The following FAM9B variants were observed in gnomAD, a reference collection of about 807,000 sequenced individuals.
The protein encoded by FAM9B is family with sequence similarity 9 member B.
A neutral mutation model predicts 16.6 loss-of-function variants in FAM9B; 18 were observed. That is an observed-to-expected ratio of 1.09 (90% CI 0.75 to 1.61). The LOEUF (loss-of-function observed/expected upper bound fraction) is 1.61. Ranked by LOEUF, FAM9B falls within the 40% of genes most tolerant of loss-of-function variation. The pLI, the probability that FAM9B is intolerant of heterozygous loss-of-function variation, is 0.00. For missense variants in FAM9B, 155 were observed against 136.0 expected (o/e 1.14, Z -0.70); for synonymous variants, 43 against 42.6 (o/e 1.01, Z -0.03).
chrX:9,029,295 C>T lies in FAM9B; in HGVS notation c.393+12G>A. The T allele has an allele frequency of 8.7e-7, 1 of 1,144,075 alleles. No individual in the cohort carries two copies. The highest frequency in any genetic ancestry group is 1.2e-6 in the Non-Finnish European group (1 of 836,157). 94.3% of individuals were successfully genotyped at this position (1,144,075 alleles called of 1,213,427 possible). ...ATAACAGGTTATACATAAAGCTAAG[C>T]ATGATACCAACAATTAGTTCTTCCT... On this transcript the variant is annotated intron_variant, in intron 6 of 8. Coordinates refer to ENST00000327220, the MANE Select transcript of FAM9B (RefSeq NM_205849.3).
At chrX:9,032,677 G>A (rs1164581252) in intron 2 of FAM9B, 2 of 573,733 alleles carry the variant, frequency 3.5e-6, no homozygotes, top group Admixed American at 4.0e-5. Context: ...AGTAAACAAC[G>A]TACTACAGTT....
chrX:9,030,954 C>A (rs1921056402), intron 4 of FAM9B: 1 of 111,755 alleles, frequency 8.9e-6, no homozygotes, highest in South Asian at 3.7e-4. Flanking sequence ...GAAATGTTTT[C>A]TTGGAGCTTT....
At chrX:9,030,546 T>G in intron 4 of FAM9B, 186 bp from the exon 5 acceptor site, 1 of 334,745 alleles carries the variant, frequency 3.0e-6, no homozygotes, top group South Asian at 9.7e-5. Flanking sequence ...TGTAAAACCT[T>G]TCAGGTATTA....
At position 9,029,410 on chromosome X, in the gene FAM9B, C is replaced by T. The variant is rs773919417; in HGVS notation, c.290G>A (p.Arg97His). ...CAACTTCAGAGAATGTATATAATCA[C>T]GTTTCTGCCTGTAACACATAATAAG... ...LRKKQLKRQK[R>H]DYIHSLKLLN... is the part of the protein sequence containing the mutation. The change falls in exon 6 of 9, where the codon CGT becomes CAT. Residue 97 changes from arginine (R) to histidine (H), a missense_variant. Coordinates refer to ENST00000327220, the MANE Select transcript of FAM9B (RefSeq NM_205849.3). The T allele has an allele frequency of 1.6e-5, 19 of 1,185,032 alleles. No homozygotes were observed. Among genetic ancestry groups the T allele is most frequent in the Middle Eastern group, 2.4e-4 (1 of 4,234 alleles).
In FAM9B at chrX:9,027,868, C is replaced by G. The variant is rs1286203355; in HGVS notation, c.492G>C (p.Lys164Asn). 5.0e-6 allele frequency: 6 copies of G among 1,203,260 alleles called. No homozygotes were observed. The highest frequency in any genetic ancestry group is 5.6e-6 in the Non-Finnish European group (5 of 888,027). The change falls in exon 7 of 9, where the codon AAG (lysine) becomes AAC (asparagine). Residue 164 changes from lysine to asparagine, a missense_variant and splice_region_variant. By Grantham distance (94) the Lys-to-Asn change is moderately conservative. Coordinates refer to ENST00000327220, the MANE Select transcript of FAM9B (RefSeq NM_205849.3). ...EMKLLRDQFV[K>N]ALEDFEDLCD... is the part of the protein sequence containing the mutation. ...TATTATGTTACCAAATAGAACAGAC[C>G]TTTACGAATTGGTCACGTAGCAGCT...
Position 9,032,976 on chromosome X carries a change from C to T in FAM9B, c.11G>A (p.Trp4Ter). MAA[W>*]GKKHAGKDPV... ...GTATTTACCTGCATGCTTCTTCCCC[C>T]AGGCCGCCATAAATTGAGCCTCCAA... Residue 4 changes from tryptophan (W) to a stop codon, truncating the protein, a stop_gained, in exon 2 of 9, where the codon TGG (tryptophan) becomes TAG (stop). Transcript: ENST00000327220. LOFTEE classifies it low-confidence loss of function (ANC_ALLELE). The T allele has an allele frequency of 2.5e-6, 3 of 1,211,926 alleles. No homozygotes were observed. Among genetic ancestry groups the T allele is most frequent in the African/African-American group, 3.5e-5 (2 of 57,857 alleles).
intron 2 of FAM9B, 74 bp from the exon 3 acceptor site, chrX:9,032,535 A>G: frequency 1.8e-6 from 1 of 566,045 alleles, no homozygotes; most frequent in East Asian, 7.6e-5. Flanking sequence ...GGAGAAATGT[A>G]CTAGTTGTAG....
intron 7 of FAM9B, among the ~76,000 whole-genome samples, chrX:9,025,998 C>G (rs1357082507): frequency 9.0e-6 from 1 of 111,258 alleles, no homozygotes; most frequent in African/African-American, 3.3e-5. Context: ...GTGATATGAC[C>G]TCATCAAGTT....
chrX:9,033,344 G>A, intron 1 of FAM9B: 32 of 1,029,131 alleles, frequency 3.1e-5, no homozygotes, highest in Non-Finnish European at 3.7e-5. Flanking sequence ...ACAGAACTCA[G>A]CCCTACCTCT....
rs1353925405 is a variant in FAM9B at position 9,024,818 on chromosome X, A to G, written c.*591T>C. 1 of 111,771 alleles carries G rather than the reference A, an allele frequency of 8.9e-6. No homozygotes were observed. The highest frequency in any genetic ancestry group is 1.9e-5 in the Non-Finnish European group (1 of 53,193). 9.2% of individuals were successfully genotyped at this position (111,771 alleles called of 1,213,427 possible). A position where few individuals can be genotyped will look rare whatever the true frequency, so the allele number is the denominator to read the frequency against. On this transcript the variant is annotated 3_prime_UTR_variant, in exon 9 of 9. Transcript: ENST00000327220. ...TGCCTCAGCTTCCTGAGTAGCTGGAACTACACGTGCGTGCCACCACGCCCG... is the reference window on the plus strand; with the variant it reads ...TGCCTCAGCTTCCTGAGTAGCTGGAGCTACACGTGCGTGCCACCACGCCCG...
intron 1 of FAM9B, chrX:9,033,646 A>C: frequency 8.3e-6 from 5 of 604,096 alleles, no homozygotes; most frequent in Non-Finnish European, 9.8e-6. Flanking sequence ...GGCCCTAGGG[A>C]TCACCCAGGC....
In FAM9B at chrX:9,033,290, C is replaced by G. The variant is rs180695457; in HGVS notation, c.-89-215G>C. 2.1e-4 allele frequency: 226 copies of G among 1,073,989 alleles called. No individual in the cohort carries two copies. In the African/African-American group the frequency reaches 3.9e-3, roughly 19 times the overall value. The allele number at this position is 1,073,989 out of a possible 1,213,427, so 88.5% of individuals were successfully genotyped here. A position where few individuals can be genotyped will look rare whatever the true frequency, so the allele number is the denominator to read the frequency against. The stretch of plus-strand genomic sequence containing the variant: ...GCAAAGCTCACAGCTGCCCCTCACA[C>G]CTGAACTCCACGGCCTCTGCGGGAT... On this transcript the variant is annotated intron_variant, in intron 1 of 8. Coordinates refer to ENST00000327220, the MANE Select transcript of FAM9B (RefSeq NM_205849.3).
chrX:9,028,024 C>T (rs1296591313), intron 6 of FAM9B, 58 bp from the exon 7 acceptor site: 6 of 800,623 alleles, frequency 7.5e-6, no homozygotes, highest in South Asian at 6.5e-5. Flanking sequence ...ACTTACAAAA[C>T]ATAATTCTGC....
intron 6 of FAM9B, 144 bp from the exon 7 acceptor site, chrX:9,028,110 A>C: frequency 2.3e-6 from 1 of 440,753 alleles, no homozygotes; most frequent in Non-Finnish European, 3.9e-6. Flanking sequence ...GACCAATTTT[A>C]AACAATTGTG....
Position 9,025,492 on chromosome X carries a change from C to T in FAM9B, c.*23G>A, listed in dbSNP as rs1602135110. The T allele has an allele frequency of 8.6e-7, 1 of 1,157,860 alleles. No homozygotes were observed. Among genetic ancestry groups the T allele is most frequent in the Admixed American group, 2.3e-5 (1 of 44,130 alleles). On this transcript the variant is annotated 3_prime_UTR_variant, in exon 8 of 9. Transcript: ENST00000327220. ...AAATATGCACTACTTACAGTTCTGA[C>T]ATGATTTTATTTAAAAACATGTCTA... is the stretch of plus-strand genomic sequence containing the variant.
chrX:9,032,487 C>G (rs1401469359), intron 2 of FAM9B, 26 bp from the exon 3 acceptor site: 18 of 1,188,659 alleles, frequency 1.5e-5, no homozygotes, highest in Non-Finnish European at 1.8e-5. Flanking sequence ...AAAGACAAAC[C>G]TTTTTTAGAG....
intron 6 of FAM9B, 72 bp downstream of exon 6, chrX:9,029,235 T>G: frequency 1.1e-6 from 1 of 887,445 alleles, no homozygotes; most frequent in Non-Finnish European, 1.6e-6. Context: ...CTTTGCTGGA[T>G]TTCTGCATGA....
At chrX:9,030,621 A>G in intron 4 of FAM9B, 1 of 231,959 alleles carries the variant, frequency 4.3e-6, no homozygotes, top group Non-Finnish European at 7.7e-6. Context: ...GATGAAAAAA[A>G]GCAAATAATT....
At chrX:9,026,433 GTC>G (rs778472023) in intron 7 of FAM9B, among the ~76,000 whole-genome samples, 3 of 111,024 alleles carry the variant, frequency 2.7e-5, no homozygotes, top group Non-Finnish European at 5.7e-5. Context: ...AAAGGGGAGA[GTC>G]TCTGAATATC....
Sources: gnomAD v4.1 joint callset for allele counts (sites outside exome capture counted in the v4.1 genomes callset) on GRCh38, gnomAD v4.1.1 for gene constraint, MANE v1.5 for transcripts, NCBI Gene and HGNC (gene_info 2026-07-23, HGNC 2026-07-21) for gene names.